Variants in ZXDC observed in about 807,000 individuals in gnomAD.
ZXDC encodes the protein zinc finger protein ZXDC.
A neutral mutation model predicts 63.6 loss-of-function variants in ZXDC; 58 were observed. The observed-to-expected ratio is 0.91, with a 90% CI of 0.74 to 1.13. The LOEUF (loss-of-function observed/expected upper bound fraction) is 1.13. Among genes scored for constraint, ZXDC ranks in the 50% most tolerant of loss-of-function variants. The pLI is 0.00. For synonymous variants in ZXDC, 561 were observed against 496.1 expected (o/e 1.13, Z -1.74); for missense variants, 1,133 against 1,148.9 (o/e 0.99, Z 0.20).
In ZXDC at chr3:126,475,237, C is replaced by A. The variant is rs773135279; in HGVS notation, c.629G>T (p.Cys210Phe). Reference protein sequence around the residue: ...GGGQGRRPFKCPLEGCGWAFT... With the variant: ...GGGQGRRPFKFPLEGCGWAFT... ...GGCCCAACCACAGCCCTCCAGTGGGCACTTGAAGGGCCGCCGGCCCTGACC... is the reference window on the plus strand; with the variant it reads ...GGCCCAACCACAGCCCTCCAGTGGGAACTTGAAGGGCCGCCGGCCCTGACC... The change falls in exon 1 of 10, where the codon TGC becomes TTC. Residue 210 changes from cysteine (C) to phenylalanine (F), a missense_variant. Coordinates refer to ENST00000389709, the MANE Select transcript of ZXDC (RefSeq NM_025112.5). 6.4e-7 allele frequency: 1 copy of A among 1,561,992 alleles called. No individual in the cohort carries two copies. The highest frequency in any genetic ancestry group is 1.2e-5 in the South Asian group (1 of 85,102).
chr3:126,459,485 A>G lies in ZXDC; in HGVS notation c.2212+168T>C, dbSNP rs140945676. On this transcript the variant is annotated intron_variant, in intron 7 of 9. Coordinates refer to ENST00000389709, the MANE Select transcript of ZXDC (RefSeq NM_025112.5). ...TACTGATGCTGGGAATTTTGTTACTAATTTTTTCCCTTAAGTTCAAATAAA... is the reference window on the plus strand; with the variant it reads ...TACTGATGCTGGGAATTTTGTTACTGATTTTTTCCCTTAAGTTCAAATAAA... 8,108 of 985,458 alleles carry G rather than the reference A, an allele frequency of 8.2e-3. 38 individuals carry two copies. The highest frequency in any genetic ancestry group is 9.0e-3 in the Non-Finnish European group (7,440 of 829,928). 61.0% of individuals were successfully genotyped at this position (985,458 alleles called of 1,614,324 possible). A position where few individuals can be genotyped will look rare whatever the true frequency, so the allele number is the denominator to read the frequency against.
chr3:126,456,505 C>T (rs1934313281), intron 7 of ZXDC, among the ~76,000 whole-genome samples: 1 of 152,248 alleles, frequency 6.6e-6, no homozygotes, highest in Non-Finnish European at 1.5e-5. Flanking sequence ...GGTGCTGTCA[C>T]ATGCTGGGAG....
At position 126,452,476 on chromosome 3, in the gene ZXDC, C is replaced by G. The variant is rs1560094206; in HGVS notation, c.2212+7177G>C. The G allele has an allele frequency of 4.1e-6, 4 of 985,292 alleles. No homozygotes were observed. The East Asian group carries it at 4.5e-4, about 112-fold the overall frequency. 61.0% of individuals were successfully genotyped at this position (985,292 alleles called of 1,614,324 possible). A position where few individuals can be genotyped will look rare whatever the true frequency, so the allele number is the denominator to read the frequency against. ...CTCTCGTTCCTAACAGGTGAGCACA[C>G]AGGCTTCCAACTGCTCTCCCTGAAA... On this transcript the variant is annotated intron_variant, in intron 7 of 9. Coordinates refer to ENST00000389709, the MANE Select transcript of ZXDC (RefSeq NM_025112.5).
chr3:126,453,306 A>G, intron 7 of ZXDC: 2 of 985,500 alleles, frequency 2.0e-6, no homozygotes, highest in Non-Finnish European at 2.4e-6. Flanking sequence ...AGAAAAGGAA[A>G]ATGAGGGCCT....
At chr3:126,448,083 A>G (rs1933949178) in intron 7 of ZXDC, among the ~76,000 whole-genome samples, 1 of 152,226 alleles carries the variant, frequency 6.6e-6, no homozygotes, top group South Asian at 2.1e-4. Context: ...CCTACACCTC[A>G]CAGGATTGTT....
intron 8 of ZXDC, chr3:126,441,354 T>C (rs1576658662): frequency 4.9e-6 from 5 of 1,017,410 alleles, no homozygotes; most frequent in Admixed American, 5.8e-5. Flanking sequence ...GCCCTAGAAA[T>C]GGGGTGGCTG....
Position 126,438,335 on chromosome 3 carries a change from C to CTAGA in ZXDC, c.*36_*39dup. The CTAGA allele has an allele frequency of 6.4e-7, 1 of 1,564,900 alleles. No individual in the cohort carries two copies. Among genetic ancestry groups the CTAGA allele is most frequent in the Non-Finnish European group, 8.7e-7 (1 of 1,146,440 alleles). On this transcript the variant is annotated 3_prime_UTR_variant, in exon 10 of 10. Transcript: ENST00000389709. ...TCATGAGTCTCAGGGAAGGTGTGTC[C>CTAGA]TAGACCGTGGCCTTGGGCCTGCCCA... is the stretch of plus-strand genomic sequence containing the variant.
At chr3:126,466,059 G>A (rs920017085) in intron 5 of ZXDC, 96 bp downstream of exon 5, 15 of 1,419,998 alleles carry the variant, frequency 1.1e-5, no homozygotes, top group East Asian at 2.3e-5. Context: ...ACTGCCTGAC[G>A]CCTTCCAAGA....
rs1455849669 is a variant in ZXDC, at chr3:126,471,008, C to T, written c.1157G>A (p.Arg386Gln). 11 of 1,613,988 alleles carry T rather than the reference C, an allele frequency of 6.8e-6. No homozygotes were observed. Among genetic ancestry groups the T allele is most frequent in the East Asian group, 2.2e-5 (1 of 44,904 alleles). Residue 386 changes from arginine to glutamine, a missense_variant, in exon 4 of 10, where the codon CGG (arginine) becomes CAG (glutamine). By Grantham distance (43) the Arg-to-Gln change is conservative. Transcript: ENST00000389709. ...LRHRRKHDDD[R>Q]RFTCPVEGCG... ...GCCCTCGACAGGGCAGGTAAACCTC[C>T]GGTCATCGTCATGTTTCCTGCCAGA...
At chr3:126,458,923 T>C (rs1934413774) in intron 7 of ZXDC, 4 of 984,154 alleles carry the variant, frequency 4.1e-6, no homozygotes, top group Non-Finnish European at 4.8e-6. Context: ...CGGCAATTGT[T>C]ATTTATTTTA....
At chr3:126,469,756 TG>T (rs141894316) in intron 4 of ZXDC, among the ~76,000 whole-genome samples, 1 of 152,336 alleles carries the variant, frequency 6.6e-6, no homozygotes, top group East Asian at 1.9e-4. Flanking sequence ...CACCCCGGTC[TG>T]GGGAAACTCT....
Position 126,454,490 on chromosome 3 carries a change from T to C in ZXDC, c.2212+5163A>G, listed in dbSNP as rs1227723099. ...CTTGCTTTGTGATTTGCCTTTGCTT[T>C]ATTTTACCCTGTCTTAATCTTAACC... On this transcript the variant is annotated intron_variant, in intron 7 of 9. Transcript: ENST00000389709. The C allele has an allele frequency of 5.1e-6, 5 of 985,338 alleles. No individual in the cohort carries two copies. The East Asian group carries it at 5.7e-4, about 112-fold the overall frequency. 61.0% of individuals were successfully genotyped at this position (985,338 alleles called of 1,614,324 possible). A position where few individuals can be genotyped will look rare whatever the true frequency, so the allele number is the denominator to read the frequency against.
chr3:126,472,550 A>AC (rs1280390547), intron 1 of ZXDC, among the ~76,000 whole-genome samples: 1 of 152,162 alleles, frequency 6.6e-6, no homozygotes, highest in African/African-American at 2.4e-5. Flanking sequence ...AGATGGAGCA[A>AC]CCGATAAAGA....
At chr3:126,467,721 G>A (rs148442309) in intron 4 of ZXDC, among the ~76,000 whole-genome samples, 5 of 152,290 alleles carry the variant, frequency 3.3e-5, no homozygotes, top group East Asian at 1.9e-4. Context: ...CCCTGCAAGC[G>A]CGCAGTTTCC....
chr3:126,438,967 G>A (rs905155878), intron 9 of ZXDC, among the ~76,000 whole-genome samples: 3 of 152,162 alleles, frequency 2.0e-5, no homozygotes, highest in Non-Finnish European at 4.4e-5. Context: ...AGTCCCAGGA[G>A]GGGGCTGCCA....
At chr3:126,454,646 ACCC>A (rs996085148) in intron 7 of ZXDC, 1 of 985,256 alleles carries the variant, frequency 1.0e-6, no homozygotes, top group African/African-American at 1.7e-5. Context: ...GACACAGGAT[ACCC>A]TTGGTTTTCT....
chr3:126,459,930 C>T (rs545893425), intron 6 of ZXDC, 193 bp from the exon 7 acceptor site: 1 of 985,480 alleles, frequency 1.0e-6, no homozygotes, highest in Admixed American at 6.1e-5. Flanking sequence ...GGAGCTGGAA[C>T]AATGTATGTG....
In ZXDC at chr3:126,466,314, T is replaced by C; in HGVS notation, c.1282A>G (p.Arg428Gly). 6.2e-7 allele frequency: 1 copy of C among 1,614,110 alleles called. No homozygotes were observed. The highest frequency in any genetic ancestry group is 1.1e-5 in the South Asian group (1 of 91,074). The change falls in exon 5 of 10, where the codon AGG becomes GGG. Residue 428 changes from arginine (R) to glycine (G), a missense_variant. Coordinates refer to ENST00000389709, the MANE Select transcript of ZXDC (RefSeq NM_025112.5). ...TACAGACTGCTACGAGCGGAGAACC[T>C]CGCGCAACATCCTGGAACAAAAAGA... ...FECPVEGCCARFSARSSLYIH... is the reference protein window; with the variant it reads ...FECPVEGCCAGFSARSSLYIH...
Position 126,442,196 on chromosome 3 carries a change from G to A in ZXDC, c.2213-250C>T, listed in dbSNP as rs555042052. 3.8e-4 allele frequency: 124 copies of A among 326,310 alleles called. No homozygotes were observed. The South Asian group carries it at 0.011, about 28-fold the overall frequency. 20.2% of individuals were successfully genotyped at this position (326,310 alleles called of 1,614,324 possible). On this transcript the variant is annotated intron_variant, in intron 7 of 9. Coordinates refer to ENST00000389709, the MANE Select transcript of ZXDC (RefSeq NM_025112.5). ...CATCATACGTATTTTTTTGCCAGAC[G>A]GTACGGTAATCAGACACAAGCTGCA... is the stretch of plus-strand genomic sequence containing the variant.
Sources: gnomAD v4.1 joint callset for allele counts (sites outside exome capture counted in the v4.1 genomes callset) on GRCh38, gnomAD v4.1.1 for gene constraint, MANE v1.5 for transcripts, NCBI Gene and HGNC (gene_info 2026-07-23, HGNC 2026-07-21) for gene names.